KCNH6: variants seen among roughly 807,000 people sequenced by gnomAD.
KCNH6 encodes the protein voltage-gated inwardly rectifying potassium channel KCNH6.
KCNH6 carries 81 observed loss-of-function variants against 83.4 expected under a neutral mutation model. The ratio of observed to expected loss-of-function variants is 0.97; its 90% confidence interval spans 0.81 to 1.17. KCNH6 has a LOEUF of 1.17. Ranked by LOEUF, KCNH6 falls within the 50% of genes most tolerant of loss-of-function variation. KCNH6 has a pLI of 0.00. For synonymous variants in KCNH6, 503 were observed against 545.6 expected (o/e 0.92, Z 1.09); for missense variants, 1,203 against 1,290.5 (o/e 0.93, Z 1.04).
chr17:63,545,850 A>C lies in KCNH6; in HGVS notation c.2825A>C (p.Asp942Ala). The C allele has an allele frequency of 6.2e-7, 1 of 1,614,082 alleles. No individual in the cohort carries two copies. Among genetic ancestry groups the C allele is most frequent in the Non-Finnish European group, 8.5e-7 (1 of 1,180,028 alleles). ...EHLGSVPKQLDFQRHGSDPGF... is the reference protein window; with the variant it reads ...EHLGSVPKQLAFQRHGSDPGF... ...CTTGGCTCTGTTCCCAAGCAGCTGG[A>C]CTTCCAGAGACATGGCTCAGATCCT... is the stretch of plus-strand genomic sequence containing the variant. Residue 942 changes from aspartate to alanine, a missense_variant, in exon 13 of 13, where the codon GAC (aspartate) becomes GCC (alanine). Asp to Ala is a moderately radical substitution (Grantham distance 126, BLOSUM62 -2). Coordinates refer to ENST00000314672, the MANE Select transcript of KCNH6 (RefSeq NM_001278919.2).
chr17:63,526,274 G>C (rs944494877), intron 2 of KCNH6, among the ~76,000 whole-genome samples: 2 of 152,070 alleles, frequency 1.3e-5, no homozygotes, highest in South Asian at 2.1e-4. Context: ...GGACCTTCCT[G>C]AAATTGTCCT....
downstream of KCNH6, among the ~76,000 whole-genome samples, chr17:63,548,463 A>G (rs75023967): frequency 0.015 from 2,301 of 152,254 alleles, 64 homozygotes; most frequent in African/African-American, 0.053. Flanking sequence ...CCACTGCACC[A>G]CCACCTGGAT....
rs1212553696 is a variant in KCNH6, at chr17:63,545,912, T to TA, written c.*13dup. On this transcript the variant is annotated 3_prime_UTR_variant, in exon 13 of 13. Coordinates refer to ENST00000314672, the MANE Select transcript of KCNH6 (RefSeq NM_001278919.2). The stretch of plus-strand genomic sequence containing the variant: ...GAGTTGGGGCCACTGAACTCCAAGA[T>TA]AAAGACACCATGAGGGGACTGAAGG... The TA allele has an allele frequency of 6.2e-7, 1 of 1,612,552 alleles. No individual in the cohort carries two copies. The highest frequency in any genetic ancestry group is 1.3e-5 in the African/African-American group (1 of 74,816).
Position 63,530,268 on chromosome 17 carries a change from G to A in KCNH6, c.469+16G>A. The A allele has an allele frequency of 6.2e-7, 1 of 1,613,784 alleles. No individual in the cohort carries two copies. Among genetic ancestry groups the A allele is most frequent in the Non-Finnish European group, 8.5e-7 (1 of 1,179,734 alleles). ...CTGGGCTCCGGTGAGGCAGAGTGAG[G>A]GTGGTGGTGGGAGGGACGCATGAGG... On this transcript the variant is annotated intron_variant, in intron 3 of 12. Coordinates refer to ENST00000314672, the MANE Select transcript of KCNH6 (RefSeq NM_001278919.2).
At chr17:63,531,377 G>A (rs2032098274) in intron 4 of KCNH6, among the ~76,000 whole-genome samples, 1 of 152,246 alleles carries the variant, frequency 6.6e-6, no homozygotes, top group African/African-American at 2.4e-5. Context: ...GGACCCATTT[G>A]ACATTGAGTA....
chr17:63,536,065 G>T lies in KCNH6; in HGVS notation c.1498G>T (p.Gly500Cys). ...CTTCTCCATCTGCGTCATGCTCATC[G>T]GCTGTGAGTGAGACCTCATGCCACG... ...KVFSICVMLI[G>C]SLMYASIFGN... is the part of the protein sequence containing the mutation. Residue 500 changes from glycine to cysteine, a missense_variant, in exon 6 of 13, where the codon GGC becomes TGC. Physicochemically the swap from Gly to Cys is radical, Grantham distance 159 (BLOSUM62 -3). Coordinates refer to ENST00000314672, the MANE Select transcript of KCNH6 (RefSeq NM_001278919.2). 2 of 1,612,498 alleles carry T rather than the reference G, an allele frequency of 1.2e-6. No homozygotes were observed. The highest frequency in any genetic ancestry group is 1.7e-6 in the Non-Finnish European group (2 of 1,179,532).
At position 63,535,920 on chromosome 17, in the gene KCNH6, C is replaced by A; in HGVS notation, c.1353C>A (p.Ser451Arg). ...AGCTTGGCAAGCGCTACAACGGCAG[C>A]GACCCAGCCTCGGGCCCCTCGGTGC... ...GVQLGKRYNG[S>R]DPASGPSVQD... is the part of the protein sequence containing the mutation. The change falls in exon 6 of 13, where the codon AGC becomes AGA. Residue 451 changes from serine (S) to arginine (R), a missense_variant. Coordinates refer to ENST00000314672, the MANE Select transcript of KCNH6 (RefSeq NM_001278919.2). This position sits in a 1 kb window ranked among gnomAD's most constrained non-coding sequence, Gnocchi z 4.9. 6.2e-7 allele frequency: 1 copy of A among 1,613,992 alleles called. No individual in the cohort carries two copies. Among genetic ancestry groups the A allele is most frequent in the Non-Finnish European group, 8.5e-7 (1 of 1,180,052 alleles).
rs77515351 is a variant in KCNH6, at chr17:63,542,657, C to T, written c.2148+223C>T. Among the ~76,000 whole-genome samples the T allele has an allele frequency of 2.4e-4, 36 of 152,318 alleles. 1 individual carries two copies. In the East Asian group the frequency reaches 6.6e-3, roughly 28 times the overall value. On this transcript the variant is annotated intron_variant, in intron 9 of 12. Coordinates refer to ENST00000314672, the MANE Select transcript of KCNH6 (RefSeq NM_001278919.2). The stretch of plus-strand genomic sequence containing the variant: ...GGTGGGGCTTCTTTTACATGATCTT[C>T]TTGCAAATGGTATTATTATCCCCAA...
In KCNH6 at chr17:63,523,529, T is replaced by G; in HGVS notation, c.76+40T>G. On this transcript the variant is annotated intron_variant, in intron 1 of 12. Transcript: ENST00000314672. The surrounding 1 kb of genome is among the most constrained non-coding windows in gnomAD (Gnocchi z 4.2). The stretch of plus-strand genomic sequence containing the variant: ...GTTGGGGCGGGGGGACGATCTGGAG[T>G]CCTGGTTCCGTGAAAGGGGGGGCTG... 7.5e-5 allele frequency: 106 copies of G among 1,419,594 alleles called. No individual in the cohort carries two copies. Among genetic ancestry groups the G allele is most frequent in the Non-Finnish European group, 9.6e-5 (98 of 1,024,434 alleles). 87.9% of individuals were successfully genotyped at this position (1,419,594 alleles called of 1,614,324 possible).
At position 63,530,336 on chromosome 17, in the gene KCNH6, G is replaced by A; in HGVS notation, c.470-1G>A. 1 of 1,614,174 alleles carries A rather than the reference G, an allele frequency of 6.2e-7. No homozygotes were observed. Among genetic ancestry groups the A allele is most frequent in the South Asian group, 1.1e-5 (1 of 91,084 alleles). ...GCTCTGACTCCTGGCCCTGGTTTCAGAGGGCTCTCATGGCAGGCCAGGCGG... is the reference window on the plus strand; with the variant it reads ...GCTCTGACTCCTGGCCCTGGTTTCAAAGGGCTCTCATGGCAGGCCAGGCGG... On this transcript the variant is annotated splice_acceptor_variant, in intron 3 of 12. Transcript: ENST00000314672. LOFTEE classifies it high-confidence loss of function.
intron 2 of KCNH6, among the ~76,000 whole-genome samples, chr17:63,528,593 G>A (rs562380402): frequency 6.6e-6 from 1 of 152,274 alleles, no homozygotes; most frequent in Admixed American, 6.5e-5. Context: ...CCCCACACGT[G>A]GGCTTCCATA....
At position 63,535,790 on chromosome 17, in the gene KCNH6, T is replaced by C. The variant is rs1395072779; in HGVS notation, c.1223T>C (p.Phe408Ser). 1.2e-6 allele frequency: 2 copies of C among 1,614,132 alleles called. No homozygotes were observed. Among genetic ancestry groups the C allele is most frequent in the African/African-American group, 1.3e-5 (1 of 74,962 alleles). Residue 408 changes from phenylalanine to serine, a missense_variant, in exon 6 of 13, where the codon TTC (phenylalanine) becomes TCC (serine). By Grantham distance (155) the Phe-to-Ser change is radical. Transcript: ENST00000314672. The surrounding 1 kb of genome is among the most constrained non-coding windows in gnomAD (Gnocchi z 4.9). Reference sequence around the variant, plus strand: ...GTGCTCTTCTTGCTCATGTGCACCTTCGCGCTCATAGCGCACTGGCTGGCC... The same window carrying C: ...GTGCTCTTCTTGCTCATGTGCACCTCCGCGCTCATAGCGCACTGGCTGGCC... The part of the protein sequence containing the change: ...AAVLFLLMCT[F>S]ALIAHWLACI...
chr17:63,537,580 G>A (rs1280917619), intron 6 of KCNH6, among the ~76,000 whole-genome samples: 1 of 151,860 alleles, frequency 6.6e-6, no homozygotes, highest in Admixed American at 6.6e-5. Context: ...GATTACAGAC[G>A]GGCATCACCA....
intron 10 of KCNH6, chr17:63,543,892 C>T (rs574944871): frequency 6.9e-5 from 45 of 653,436 alleles, no homozygotes; most frequent in Admixed American, 3.8e-4. Flanking sequence ...CAAATGCAAC[C>T]CCCAGGGGTG....
At position 63,535,021 on chromosome 17, in the gene KCNH6, C is replaced by G. The variant is rs1002383941; in HGVS notation, c.1102-648C>G. Among the ~76,000 whole-genome samples the G allele has an allele frequency of 1.3e-5, 2 of 152,182 alleles. No homozygotes were observed. The highest frequency in any genetic ancestry group is 1.5e-5 in the Non-Finnish European group (1 of 68,030). ...TCACCAAACTTGCCAGTCTCCCGCCCCTCCACACAGCTGCCACAGCGACTT... is the reference window on the plus strand; with the variant it reads ...TCACCAAACTTGCCAGTCTCCCGCCGCTCCACACAGCTGCCACAGCGACTT... On this transcript the variant is annotated intron_variant, in intron 5 of 12. Transcript: ENST00000314672. The surrounding 1 kb of genome is among the most constrained non-coding windows in gnomAD (Gnocchi z 4.9).
intron 2 of KCNH6, among the ~76,000 whole-genome samples, chr17:63,528,705 C>T (rs1309729235): frequency 6.6e-6 from 1 of 152,328 alleles, no homozygotes; most frequent in East Asian, 1.9e-4. Flanking sequence ...CCTGAGGCCC[C>T]TGCCCCCTGA....
At chr17:63,526,235 A>G (rs986961617) in intron 2 of KCNH6, among the ~76,000 whole-genome samples, 22 of 151,960 alleles carry the variant, frequency 1.4e-4, no homozygotes, top group African/African-American at 5.3e-4. Flanking sequence ...GCCCTTCCCT[A>G]TCTTATTGCC....
At position 63,534,915 on chromosome 17, in the gene KCNH6, A is replaced by G. The variant is rs73992288; in HGVS notation, c.1101+604A>G. Among the ~76,000 whole-genome samples, 2,761 of 151,670 alleles carry G rather than the reference A, an allele frequency of 0.018. 74 individuals carry two copies. The highest frequency in any genetic ancestry group is 0.064 in the African/African-American group (2,622 of 41,286). ...CTCCTCTGCTCCAAAGCCCCCTAAGACCACCCCTCAACAAATCCACCCTCC... is the reference window on the plus strand; with the variant it reads ...CTCCTCTGCTCCAAAGCCCCCTAAGGCCACCCCTCAACAAATCCACCCTCC... On this transcript the variant is annotated intron_variant, in intron 5 of 12. Transcript: ENST00000314672. The surrounding 1 kb of genome is among the most constrained non-coding windows in gnomAD (Gnocchi z 5.0).
At chr17:63,531,755 A>C (rs1876807214) in intron 4 of KCNH6, among the ~76,000 whole-genome samples, 1 of 152,104 alleles carries the variant, frequency 6.6e-6, no homozygotes, top group Admixed American at 6.5e-5. Flanking sequence ...GCTACCACGG[A>C]GGGGGCTGTT....
Sources: gnomAD v4.1 joint callset for allele counts (sites outside exome capture counted in the v4.1 genomes callset) on GRCh38, gnomAD v4.1.1 for gene constraint, Gnocchi (gnomAD v3.1) non-coding constraint, MANE v1.5 for transcripts, NCBI Gene and HGNC (gene_info 2026-07-23, HGNC 2026-07-21) for gene names.